PEAK1: variants seen among roughly 807,000 people sequenced by gnomAD.
PEAK1 encodes inactive tyrosine-protein kinase PEAK1.
PEAK1 carries 54 observed loss-of-function variants against 124.7 expected under a neutral mutation model. The observed-to-expected ratio is 0.43, with a 90% CI of 0.35 to 0.54. The LOEUF (loss-of-function observed/expected upper bound fraction) is 0.54. Ranked by LOEUF, PEAK1 falls within the 20% of genes least tolerant of loss-of-function variation. The pLI is 0.01. For synonymous variants in PEAK1, 719 were observed against 760.0 expected (o/e 0.95, Z 0.89); for missense variants, 2,046 against 2,134.5 (o/e 0.96, Z 0.82).
Position 77,313,652 on chromosome 15 carries a change from A to ATGTGTGTG in PEAK1, c.-602-27156_-602-27149dup, listed in dbSNP as rs775220459. Among the ~76,000 whole-genome samples, 519 of 90,536 alleles carry ATGTGTGTG rather than the reference A, an allele frequency of 5.7e-3. 4 individuals are homozygous for ATGTGTGTG. The highest frequency in any genetic ancestry group is 0.019 in the Middle Eastern group (3 of 162). The allele number at this position is 90,536 out of a possible 152,430, so 59.4% of individuals were successfully genotyped here. The stretch of plus-strand genomic sequence containing the variant: ...CAGTAATGTATGTATGTATGTATGT[A>ATGTGTGTG]TGTGTGTGTGTGTGTGTGTGTGTGT... On this transcript the variant is annotated intron_variant, in intron 2 of 9. Coordinates refer to ENST00000682557, the MANE Select transcript of PEAK1 (RefSeq NM_001385026.1).
chr15:77,131,305 C>T (rs2052837363), intron 9 of PEAK1, among the ~76,000 whole-genome samples: 1 of 152,000 alleles, frequency 6.6e-6, no homozygotes, highest in Non-Finnish European at 1.5e-5. Flanking sequence ...ACCATCTGGC[C>T]AACACGGTGA....
chr15:77,132,746 T>A (rs1471059267), intron 9 of PEAK1, among the ~76,000 whole-genome samples: 1 of 151,384 alleles, frequency 6.6e-6, no homozygotes, highest in African/African-American at 2.4e-5. Flanking sequence ...TGGGTTAAGG[T>A]ATCTCCAAGA....
chr15:77,254,821 T>C (rs1596912541), intron 5 of PEAK1, among the ~76,000 whole-genome samples: 1 of 152,290 alleles, frequency 6.6e-6, no homozygotes, highest in East Asian at 1.9e-4. Context: ...TTCTAAGTAG[T>C]AGAGAAACAA....
At chr15:77,287,731 C>T (rs2063000768) in intron 2 of PEAK1, among the ~76,000 whole-genome samples, 1 of 152,142 alleles carries the variant, frequency 6.6e-6, no homozygotes, top group Admixed American at 6.5e-5. Flanking sequence ...TTGGATGTTT[C>T]TAACTGAAGG....
rs1282102724 is a variant in PEAK1 at position 77,111,149 on chromosome 15, A to G, written c.*3007T>C. The stretch of plus-strand genomic sequence containing the variant: ...ACAGTATAGACTTCAATAGAAAACA[A>G]TTTCCAATCAATATTGAAGGCAATA... On this transcript the variant is annotated 3_prime_UTR_variant, in exon 10 of 10. Coordinates refer to ENST00000682557, the MANE Select transcript of PEAK1 (RefSeq NM_001385026.1). 1 of 152,208 alleles carries G rather than the reference A, an allele frequency of 6.6e-6. No individual in the cohort carries two copies. Among genetic ancestry groups the G allele is most frequent in the Non-Finnish European group, 1.5e-5 (1 of 68,036 alleles). 9.4% of individuals were successfully genotyped at this position (152,208 alleles called of 1,614,324 possible).
At chr15:77,412,516 T>C (rs2142128833) in intron 1 of PEAK1, among the ~76,000 whole-genome samples, 1 of 152,328 alleles carries the variant, frequency 6.6e-6, no homozygotes, top group South Asian at 2.1e-4. Context: ...TCTATCTGTA[T>C]CAAAACATAT....
chr15:77,225,666 T>TTATA (rs55958042), intron 6 of PEAK1, among the ~76,000 whole-genome samples: 11,722 of 87,706 alleles, frequency 0.13, 1,040 homozygotes, highest in Non-Finnish European at 0.16. Flanking sequence ...TGTGTATAAT[T>TTATA]TATATATATA....
At chr15:77,146,191 C>CA in intron 8 of PEAK1, among the ~76,000 whole-genome samples, 1 of 152,290 alleles carries the variant, frequency 6.6e-6, no homozygotes, top group East Asian at 1.9e-4. Context: ...ACCTAGCGCT[C>CA]AGTGCATCAT....
At chr15:77,372,712 G>A (rs1345374837) in intron 1 of PEAK1, among the ~76,000 whole-genome samples, 2 of 152,178 alleles carry the variant, frequency 1.3e-5, no homozygotes, top group African/African-American at 4.8e-5. Flanking sequence ...TCTCATGTCA[G>A]ACTGTAATCC....
intron 2 of PEAK1, chr15:77,333,167 T>C (rs1292987890): frequency 2.1e-6 from 2 of 944,196 alleles, no homozygotes; most frequent in Non-Finnish European, 2.5e-6. Flanking sequence ...TATTTATTTA[T>C]AGCAAAGAGG....
At position 77,207,961 on chromosome 15, in the gene PEAK1, C is replaced by A. The variant is rs118119451; in HGVS notation, c.-114-25921G>T. Among the ~76,000 whole-genome samples the A allele has an allele frequency of 7.1e-3, 1,075 of 152,278 alleles. 6 individuals are homozygous for A. The highest frequency in any genetic ancestry group is 0.012 in the Non-Finnish European group (784 of 68,022). On this transcript the variant is annotated intron_variant, in intron 6 of 9. Coordinates refer to ENST00000682557, the MANE Select transcript of PEAK1 (RefSeq NM_001385026.1). ...CTCCAGGCTCATACAGGTCTAGGAACAGGTTGGGCTAAAAACGGATCCATG... is the reference window on the plus strand; with the variant it reads ...CTCCAGGCTCATACAGGTCTAGGAAAAGGTTGGGCTAAAAACGGATCCATG...
At chr15:77,404,785 T>C (rs1176114795) in intron 1 of PEAK1, 1 of 971,910 alleles carries the variant, frequency 1.0e-6, no homozygotes, top group Non-Finnish European at 1.2e-6. Flanking sequence ...GTTATCAGAT[T>C]ATTAAAGGTA....
intron 2 of PEAK1, among the ~76,000 whole-genome samples, chr15:77,301,749 A>G (rs2063798239): frequency 6.6e-6 from 1 of 152,150 alleles, no homozygotes; most frequent in African/African-American, 2.4e-5. Context: ...CATTGAAGGA[A>G]AGTCACTATG....
chr15:77,412,671 T>C (rs1385296325), intron 1 of PEAK1, among the ~76,000 whole-genome samples: 5 of 152,196 alleles, frequency 3.3e-5, no homozygotes, highest in South Asian at 2.1e-4. Flanking sequence ...GGAGCAATGA[T>C]ACTCCACAGC....
intron 8 of PEAK1, among the ~76,000 whole-genome samples, chr15:77,144,519 G>A (rs912862178): frequency 1.3e-5 from 2 of 152,210 alleles, no homozygotes; most frequent in African/African-American, 4.8e-5. Flanking sequence ...GCGCACAGCA[G>A]GTATGCAGTA....
rs751206223 is a variant in PEAK1, at chr15:77,180,295, C to A, written c.1632G>T (p.Lys544Asn). 1 of 1,613,986 alleles carries A rather than the reference C, an allele frequency of 6.2e-7. No individual in the cohort carries two copies. The highest frequency in any genetic ancestry group is 8.5e-7 in the Non-Finnish European group (1 of 1,180,010). ...TAGTAATTAGTTCTACTTTAGGTAT[C>A]TTTTGTCGTGGACTGGTGCTAGAAG... ...VWTSSTSPRQ[K>N]IPKVELITSG... The change falls in exon 7 of 10, where the codon AAG becomes AAT. Residue 544 changes from lysine (K) to asparagine (N), a missense_variant. Physicochemically the swap from Lys to Asn is moderately conservative, Grantham distance 94. Coordinates refer to ENST00000682557, the MANE Select transcript of PEAK1 (RefSeq NM_001385026.1).
intron 2 of PEAK1, among the ~76,000 whole-genome samples, chr15:77,311,069 G>T (rs923614964): frequency 4.6e-5 from 7 of 152,198 alleles, no homozygotes; most frequent in African/African-American, 1.7e-4. Context: ...ACTGGTTAAA[G>T]AATAGATTTC....
At chr15:77,224,408 G>A (rs2059536463) in intron 6 of PEAK1, among the ~76,000 whole-genome samples, 1 of 151,874 alleles carries the variant, frequency 6.6e-6, no homozygotes, top group South Asian at 2.1e-4. Flanking sequence ...TTTGTCTGAT[G>A]GTGCCTTTCT....
intron 5 of PEAK1, among the ~76,000 whole-genome samples, chr15:77,264,020 T>C (rs1436841283): frequency 3.3e-5 from 5 of 152,132 alleles, no homozygotes; most frequent in Admixed American, 1.3e-4. Context: ...ATTATCTCAA[T>C]AGATGCAGAA....
Sources: allele counts gnomAD v4.1 joint callset (sites outside exome capture counted in the v4.1 genomes callset), GRCh38; gene constraint gnomAD v4.1.1; transcripts MANE v1.5; gene names NCBI Gene and HGNC (gene_info 2026-07-23, HGNC 2026-07-21).